Variants in MUCL3 observed in about 807,000 individuals in gnomAD.
MUCL3 encodes the protein mucin like 3.
In MUCL3, 42 loss-of-function variants were observed where a neutral mutation model predicts 70.2. The observed-to-expected ratio is 0.60, with a 90% CI of 0.47 to 0.77. MUCL3 has a LOEUF of 0.77. Among genes scored for constraint, MUCL3 ranks in the 30% least tolerant of loss-of-function variants. The pLI is 0.00. For synonymous variants in MUCL3, 522 were observed against 647.0 expected, an observed-to-expected ratio of 0.81 and a Z score of 2.93; for missense variants, 1,429 against 1,670.0, an observed-to-expected ratio of 0.86 and a Z score of 2.52.
In MUCL3 at chr6:30,945,337, T is replaced by G. The variant is rs538468193; in HGVS notation, c.83-3210T>G. Among the ~76,000 whole-genome samples, 13 of 152,152 alleles carry G rather than the reference T, an allele frequency of 8.5e-5. No individual in the cohort carries two copies. The South Asian group carries it at 2.7e-3, about 32-fold the overall frequency. On this transcript the variant is annotated intron_variant, in intron 1 of 2. Transcript: ENST00000462446. ...CGATGAACAAAACAATAAAAATCCCTGCCAGGCCAGGCCAGGCCAGGCCAG... is the reference window on the plus strand; with the variant it reads ...CGATGAACAAAACAATAAAAATCCCGGCCAGGCCAGGCCAGGCCAGGCCAG...
chr6:30,951,754 T>A lies in MUCL3; in HGVS notation c.3290T>A (p.Ile1097Asn), dbSNP rs865892931. ...GAKTTSANEK[I>N]TPSLAKPTEH... ...AAAACTACGTCGGCCAATGAGAAGA[T>A]CACACCATCCCTAGCAAAGCCTACA... Residue 1097 changes from isoleucine to asparagine, a missense_variant, in exon 2 of 3, where the codon ATC (isoleucine) becomes AAC (asparagine). Ile to Asn is a moderately radical substitution (Grantham distance 149). Coordinates refer to ENST00000462446, the MANE Select transcript of MUCL3 (RefSeq NM_080870.4). 6.5e-7 allele frequency: 1 copy of A among 1,541,942 alleles called. No homozygotes were observed.
At chr6:30,945,059 G>A (rs1364660248) in intron 1 of MUCL3, among the ~76,000 whole-genome samples, 1 of 152,228 alleles carries the variant, frequency 6.6e-6, no homozygotes, top group Non-Finnish European at 1.5e-5. Context: ...TGGTATCCCA[G>A]AATTGGTGGG....
Position 30,950,796 on chromosome 6 carries a change from G to C in MUCL3, c.2332G>C (p.Ala778Pro), listed in dbSNP as rs1222548875. The change falls in exon 2 of 3, where the codon GCA becomes CCA. Residue 778 changes from alanine (A) to proline (P), a missense_variant. Ala to Pro is a conservative substitution (Grantham distance 27). Transcript: ENST00000462446. ...LANEKTTPSL[A>P]EPTENGKRTP... is the part of the protein sequence containing the mutation. ...CAATGAGAAGACCACACCATCTCTAGCAGAGCCTACAGAAAATGGAAAAAG... is the reference window on the plus strand; with the variant it reads ...CAATGAGAAGACCACACCATCTCTACCAGAGCCTACAGAAAATGGAAAAAG... 6.5e-7 allele frequency: 1 copy of C among 1,549,626 alleles called. No individual in the cohort carries two copies. Among genetic ancestry groups the C allele is most frequent in the Non-Finnish European group, 8.7e-7 (1 of 1,146,784 alleles).
rs1247456701 is a variant in MUCL3 at position 30,949,527 on chromosome 6, A to G, written c.1063A>G (p.Thr355Ala). The G allele has an allele frequency of 6.4e-7, 1 of 1,550,984 alleles. No individual in the cohort carries two copies. The highest frequency in any genetic ancestry group is 1.4e-5 in the African/African-American group (1 of 72,772). ...NREMTANENT[T>A]LFPAEPTEHG... ...AGAAATGACAGCCAATGAGAATACC[A>G]CACTATTCCCAGCAGAGCCTACAGA... Residue 355 changes from threonine to alanine, a missense_variant, in exon 2 of 3, where the codon ACA (threonine) becomes GCA (alanine). By Grantham distance (58) the Thr-to-Ala change is moderately conservative (BLOSUM62 0). Transcript: ENST00000462446.
Position 30,951,814 on chromosome 6 carries a change from A to G in MUCL3, c.3350A>G (p.Lys1117Arg), listed in dbSNP as rs781663261. 2 of 1,573,270 alleles carry G rather than the reference A, an allele frequency of 1.3e-6. No homozygotes were observed. The highest frequency in any genetic ancestry group is 1.7e-6 in the Non-Finnish European group (2 of 1,160,446). ...GAAAGGACCACATCACCCAATGACAAGATCACCTCATCTGCAGCAGAGTCT... is the reference window on the plus strand; with the variant it reads ...GAAAGGACCACATCACCCAATGACAGGATCACCTCATCTGCAGCAGAGTCT... Reference protein sequence around the residue: ...HGERTTSPNDKITSSAAESTE... With the variant: ...HGERTTSPNDRITSSAAESTE... Residue 1117 changes from lysine to arginine, a missense_variant, in exon 2 of 3, where the codon AAG becomes AGG. Physicochemically the swap from Lys to Arg is conservative, Grantham distance 26. Transcript: ENST00000462446.
chr6:30,944,196 C>T (rs1419352167), intron 1 of MUCL3, among the ~76,000 whole-genome samples: 2 of 151,764 alleles, frequency 1.3e-5, no homozygotes, highest in African/African-American at 2.4e-5. Context: ...CCCTTCCTTC[C>T]TTCCCTTTCC....
intron 1 of MUCL3, chr6:30,946,144 T>C (rs1168024734): frequency 2.0e-5 from 3 of 152,328 alleles, no homozygotes; most frequent in Non-Finnish European, 4.4e-5. Context: ...GGGGTAGGGC[T>C]ACTGCTCAGG....
chr6:30,942,043 C>T (rs910321547), intron 1 of MUCL3, among the ~76,000 whole-genome samples: 5 of 152,118 alleles, frequency 3.3e-5, no homozygotes, highest in East Asian at 3.9e-4. Flanking sequence ...GCTGCCCAGC[C>T]GTACCAGTAT....
At chr6:30,944,109 A>C (rs560432412) in intron 1 of MUCL3, among the ~76,000 whole-genome samples, 44 of 152,314 alleles carry the variant, frequency 2.9e-4, no homozygotes, top group African/African-American at 1.0e-3. Flanking sequence ...ACCAGGAAAC[A>C]CTAGAGATGC....
At chr6:30,945,051 G>T (rs1795727972) in intron 1 of MUCL3, among the ~76,000 whole-genome samples, 1 of 152,206 alleles carries the variant, frequency 6.6e-6, no homozygotes, top group South Asian at 2.1e-4. Context: ...ATGACAACTG[G>T]TATCCCAGAA....
intron 1 of MUCL3, among the ~76,000 whole-genome samples, chr6:30,944,499 C>G (rs1795709164): frequency 6.6e-6 from 1 of 152,214 alleles, no homozygotes; most frequent in Non-Finnish European, 1.5e-5. Context: ...CCAGGCTGGT[C>G]TCGAACTCCT....
Position 30,941,039 on chromosome 6 carries a change from C to T in MUCL3, c.40C>T (p.Leu14Phe). 1 of 1,550,764 alleles carries T rather than the reference C, an allele frequency of 6.4e-7. No homozygotes were observed. Among genetic ancestry groups the T allele is most frequent in the Non-Finnish European group, 8.7e-7 (1 of 1,147,000 alleles). ...PVHSLCSAFGLQCCLLFLLAS... is the reference protein window; with the variant it reads ...PVHSLCSAFGFQCCLLFLLAS... ...CCACAGCCTCTGCTCCGCCTTTGGC[C>T]TCCAGTGCTGCCTCCTCTTCCTTCT... The change falls in exon 1 of 3, where the codon CTC (leucine) becomes TTC (phenylalanine). Residue 14 changes from leucine to phenylalanine, a missense_variant. Coordinates refer to ENST00000462446, the MANE Select transcript of MUCL3 (RefSeq NM_080870.4).
Position 30,948,786 on chromosome 6 carries a change from C to A in MUCL3, c.322C>A (p.His108Asn). 3.9e-6 allele frequency: 6 copies of A among 1,551,608 alleles called. No individual in the cohort carries two copies. Among genetic ancestry groups the A allele is most frequent in the Non-Finnish European group, 5.2e-6 (6 of 1,146,986 alleles). ...KPTGNSKTID[H>N]KSSTDNHEAP... Reference sequence around the variant, plus strand: ...TACAGGCAACTCCAAAACTATAGACCACAAAAGCTCTACAGATAATCATGA... The same window carrying A: ...TACAGGCAACTCCAAAACTATAGACAACAAAAGCTCTACAGATAATCATGA... Residue 108 changes from histidine to asparagine, a missense_variant, in exon 2 of 3, where the codon CAC (histidine) becomes AAC (asparagine). Transcript: ENST00000462446.
In MUCL3 at chr6:30,950,304, A is replaced by G; in HGVS notation, c.1840A>G (p.Asn614Asp). ...AGAAAGGACTCCACTGGCCAATGAG[A>G]ACACCACACCATCCCCGGCAGAGCC... ...HEERTPLANE[N>D]TTPSPAEPTE... Residue 614 changes from asparagine (N) to aspartate (D), a missense_variant, in exon 2 of 3, where the codon AAC (asparagine) becomes GAC (aspartate). Coordinates refer to ENST00000462446, the MANE Select transcript of MUCL3 (RefSeq NM_080870.4). The G allele has an allele frequency of 6.4e-7, 1 of 1,550,688 alleles. No homozygotes were observed. The highest frequency in any genetic ancestry group is 8.7e-7 in the Non-Finnish European group (1 of 1,146,794).
Position 30,949,564 on chromosome 6 carries a change from G to A in MUCL3, c.1100G>A (p.Arg367Lys). 1 of 1,549,216 alleles carries A rather than the reference G, an allele frequency of 6.5e-7. No homozygotes were observed. Among genetic ancestry groups the A allele is most frequent in the Non-Finnish European group, 8.7e-7 (1 of 1,146,366 alleles). The change falls in exon 2 of 3, where the codon AGG (arginine) becomes AAG (lysine). Residue 367 changes from arginine to lysine, a missense_variant. By Grantham distance (26) the Arg-to-Lys change is conservative. Transcript: ENST00000462446. The part of the protein sequence containing the change: ...FPAEPTEHGE[R>K]TANENTTPSP... ...GCAGAGCCTACAGAACATGGAGAAA[G>A]GACAGCCAATGAGAACACCACACCA...
chr6:30,941,188 TAC>T, intron 1 of MUCL3, 107 bp downstream of exon 1: 1 of 1,340,152 alleles, frequency 7.5e-7, no homozygotes, highest in East Asian at 2.5e-5. Flanking sequence ...ACGGGGCTGC[TAC>T]AGACAGTTGT....
chr6:30,952,017 G>C lies in MUCL3; in HGVS notation c.3553G>C (p.Glu1185Gln). ...STTEKTTRTP[E>Q]KPTLYSEKTI... ...CACAGAGAAAACCACAAGAACCCCA[G>C]AAAAGCCTACGCTATACTCAGAGAA... is the stretch of plus-strand genomic sequence containing the variant. The change falls in exon 2 of 3, where the codon GAA (glutamate) becomes CAA (glutamine). Residue 1185 changes from glutamate (E) to glutamine (Q), a missense_variant. Glu to Gln is a conservative substitution (Grantham distance 29). Transcript: ENST00000462446. 3.1e-6 allele frequency: 5 copies of C among 1,611,986 alleles called. No individual in the cohort carries two copies. Among genetic ancestry groups the C allele is most frequent in the Non-Finnish European group, 4.2e-6 (5 of 1,179,730 alleles).
chr6:30,946,868 G>T (rs998440424), intron 1 of MUCL3, among the ~76,000 whole-genome samples: 2 of 152,130 alleles, frequency 1.3e-5, no homozygotes, highest in Non-Finnish European at 2.9e-5. Flanking sequence ...ATAAAGTTTG[G>T]AGAATAGGAT....
In MUCL3 at chr6:30,952,120, C is replaced by T. The variant is rs1191529091; in HGVS notation, c.3656C>T (p.Thr1219Ile). The stretch of plus-strand genomic sequence containing the variant: ...AACCTGGGGAACACCACACTGACCA[C>T]TGAGACCATAAAAGCCCCAGTAAAG... ...TENLGNTTLT[T>I]ETIKAPVKST... Residue 1219 changes from threonine (T) to isoleucine (I), a missense_variant, in exon 2 of 3, where the codon ACT becomes ATT. By Grantham distance (89) the Thr-to-Ile change is moderately conservative (BLOSUM62 -1). Coordinates refer to ENST00000462446, the MANE Select transcript of MUCL3 (RefSeq NM_080870.4). The T allele has an allele frequency of 6.2e-7, 1 of 1,612,488 alleles. No individual in the cohort carries two copies. Among genetic ancestry groups the T allele is most frequent in the Non-Finnish European group, 8.5e-7 (1 of 1,179,670 alleles).
Sources: gnomAD v4.1 joint callset for allele counts (sites outside exome capture counted in the v4.1 genomes callset) on GRCh38, gnomAD v4.1.1 for gene constraint, MANE v1.5 for transcripts, NCBI Gene and HGNC (gene_info 2026-07-23, HGNC 2026-07-21) for gene names.